The following TTBK2 variants were observed in gnomAD, a reference collection of about 807,000 sequenced individuals.
TTBK2 encodes the protein tau-tubulin kinase 2.
In TTBK2, 28 loss-of-function variants were observed where a neutral mutation model predicts 110.8. The ratio of observed to expected loss-of-function variants is 0.25; its 90% CI spans 0.19 to 0.35. The LOEUF is 0.35. TTBK2 is among the 10% of genes least tolerant of loss of function. The probability of loss-of-function intolerance (pLI) is 1.00; values close to 1 mark genes in which losing one functional copy is unlikely to be tolerated. For synonymous variants in TTBK2, 532 were observed against 527.3 expected, an observed-to-expected ratio of 1.01 and a Z score of -0.12; for missense variants, 1,369 against 1,500.3, an observed-to-expected ratio of 0.91 and a Z score of 1.45.
At chr15:42,834,819 G>A (rs1224795557) in intron 4 of TTBK2, among the ~76,000 whole-genome samples, 1 of 152,186 alleles carries the variant, frequency 6.6e-6, no homozygotes, top group Non-Finnish European at 1.5e-5. Flanking sequence ...AGAGGTTGCA[G>A]GGAGCCAAGA....
intron 7 of TTBK2, among the ~76,000 whole-genome samples, chr15:42,815,848 TTCTC>T (rs573350798): frequency 1.5e-5 from 2 of 130,032 alleles, no homozygotes; most frequent in East Asian, 2.3e-4. Flanking sequence ...CTCTTCCAAA[TTCTC>T]TCTCTCTATA....
rs774102839 is a variant in TTBK2, at chr15:42,872,677, C to A, written c.151G>T (p.Val51Leu). 6.2e-7 allele frequency: 1 copy of A among 1,613,986 alleles called. No homozygotes were observed. The highest frequency in any genetic ancestry group is 1.3e-5 in the African/African-American group (1 of 74,906). ...MLTRENVALKVESAQQPKQVL... is the reference protein window; with the variant it reads ...MLTRENVALKLESAQQPKQVL... The stretch of plus-strand genomic sequence containing the variant: ...TGTTTTGGTTGTTGAGCTGATTCCA[C>A]CTTCAGTGCAACATTTTCCCTGGTG... The change falls in exon 3 of 15, where the codon GTG (valine) becomes TTG (leucine). Residue 51 changes from valine (V) to leucine (L), a missense_variant. By Grantham distance (32) the Val-to-Leu change is conservative. Transcript: ENST00000267890.
intron 1 of TTBK2, among the ~76,000 whole-genome samples, chr15:42,888,567 C>G (rs1895331453): frequency 1.3e-5 from 2 of 152,180 alleles, no homozygotes; most frequent in South Asian, 2.1e-4. Flanking sequence ...CCTCCACTAC[C>G]TCTCAGCAAG....
intron 6 of TTBK2, among the ~76,000 whole-genome samples, chr15:42,824,852 G>T (rs1181459742): frequency 1.3e-5 from 2 of 151,838 alleles, no homozygotes; most frequent in Admixed American, 6.6e-5. Context: ...TTGCACAGGT[G>T]CCCCAAACCC....
chr15:42,860,709 C>T (rs1595993860), intron 3 of TTBK2, among the ~76,000 whole-genome samples: 1 of 149,636 alleles, frequency 6.7e-6, no homozygotes, highest in African/African-American at 2.5e-5. Context: ...TCCTGTTGCC[C>T]AGGCTGGAGT....
intron 3 of TTBK2, among the ~76,000 whole-genome samples, chr15:42,858,388 T>A (rs1894027383): frequency 6.6e-6 from 1 of 152,030 alleles, no homozygotes; most frequent in Non-Finnish European, 1.5e-5. Context: ...TCCAGAAACG[T>A]GGGGAAAAAA....
rs148816361 is a variant in TTBK2 at position 42,826,611 on chromosome 15, T to C, written c.537+1317A>G. 6.2e-4 allele frequency among the ~76,000 whole-genome samples: 95 copies of C among 152,280 alleles called. 1 individual carries two copies. The highest frequency in any genetic ancestry group is 3.4e-3 in the Middle Eastern group (1 of 294). ...TCAAAACAGATTCAAATAAAGCAAA[T>C]GCCCAGCTATAACCAATCCAGCTGT... On this transcript the variant is annotated intron_variant, in intron 6 of 14. Transcript: ENST00000267890.
intron 1 of TTBK2, among the ~76,000 whole-genome samples, chr15:42,893,010 CAAA>C (rs780103161): frequency 6.9e-5 from 4 of 57,712 alleles, no homozygotes; most frequent in South Asian, 6.3e-4. Context: ...GACTCTGTCT[CAAA>C]AAAAAAAAAA....
chr15:42,857,711 T>G (rs1397792594), intron 3 of TTBK2, among the ~76,000 whole-genome samples: 2 of 152,148 alleles, frequency 1.3e-5, no homozygotes, highest in African/African-American at 4.8e-5. Flanking sequence ...TTCTAATACG[T>G]TCTTACATAA....
intron 7 of TTBK2, among the ~76,000 whole-genome samples, chr15:42,815,750 A>G (rs1434264771): frequency 6.6e-6 from 1 of 150,484 alleles, no homozygotes; most frequent in East Asian, 1.9e-4. Context: ...TACATATTAC[A>G]GATAAAATGA....
chr15:42,894,416 C>T (rs940124709), intron 1 of TTBK2, among the ~76,000 whole-genome samples: 1 of 152,120 alleles, frequency 6.6e-6, no homozygotes, highest in Non-Finnish European at 1.5e-5. Context: ...GGAAAAAACA[C>T]TTCCCATCTC....
intron 1 of TTBK2, among the ~76,000 whole-genome samples, chr15:42,887,430 A>C (rs1468009610): frequency 1.3e-5 from 2 of 152,042 alleles, no homozygotes; most frequent in African/African-American, 4.8e-5. Flanking sequence ...ATCCCATTAA[A>C]ACCTAATCAC....
intron 10 of TTBK2, 42 bp downstream of exon 10, chr15:42,794,601 AC>A: frequency 6.2e-7 from 1 of 1,614,042 alleles, no homozygotes; most frequent in Non-Finnish European, 8.5e-7. Context: ...CAAATATAAT[AC>A]ATCCAGGAAA....
At chr15:42,815,892 A>G (rs1401858830) in intron 7 of TTBK2, among the ~76,000 whole-genome samples, 2 of 101,650 alleles carry the variant, frequency 2.0e-5, no homozygotes, top group Non-Finnish European at 3.5e-5. Flanking sequence ...ATATATTTAA[A>G]AATATATATA....
intron 6 of TTBK2, among the ~76,000 whole-genome samples, chr15:42,818,910 G>A (rs1892162808): frequency 7.0e-6 from 1 of 143,706 alleles, no homozygotes; most frequent in African/African-American, 2.5e-5. Flanking sequence ...GCGACAGAGC[G>A]AGACTCCGTC....
intron 13 of TTBK2, among the ~76,000 whole-genome samples, chr15:42,765,148 G>C (rs1471294626): frequency 1.3e-5 from 2 of 152,164 alleles, no homozygotes; most frequent in East Asian, 3.8e-4. Context: ...ACAAAGATGG[G>C]AAGATGGGAA....
At chr15:42,882,468 G>T (rs1249826052) in intron 1 of TTBK2, among the ~76,000 whole-genome samples, 1 of 150,566 alleles carries the variant, frequency 6.6e-6, no homozygotes, top group Non-Finnish European at 1.5e-5. Flanking sequence ...ATATATATTA[G>T]CCAGGTGTGG....
At chr15:42,876,858 T>C (rs1028047482) in intron 2 of TTBK2, among the ~76,000 whole-genome samples, 5 of 152,122 alleles carry the variant, frequency 3.3e-5, no homozygotes, top group Admixed American at 2.0e-4. Context: ...CAGAAGACAA[T>C]GTGAAGTGTG....
At chr15:42,903,033 AT>A (rs1384946938) in intron 1 of TTBK2, among the ~76,000 whole-genome samples, 5 of 149,814 alleles carry the variant, frequency 3.3e-5, no homozygotes, top group Non-Finnish European at 3.0e-5. Context: ...ATTCTTTTTA[AT>A]TTTTTTTTTA....
Sources: allele counts gnomAD v4.1 joint callset (sites outside exome capture counted in the v4.1 genomes callset), GRCh38; gene constraint gnomAD v4.1.1; transcripts MANE v1.5; gene names NCBI Gene and HGNC (gene_info 2026-07-23, HGNC 2026-07-21).